ANK2: variants seen among roughly 807,000 people sequenced by gnomAD.
ANK2 encodes the protein ankyrin 2.
A neutral mutation model predicts 360.5 loss-of-function variants in ANK2; 83 were observed. The ratio of observed to expected loss-of-function variants is 0.23; its 90% confidence interval spans 0.19 to 0.28. The LOEUF (loss-of-function observed/expected upper bound fraction) is 0.28, where lower values mean the gene tolerates loss of function less well. ANK2 is among the 10% of genes least tolerant of loss of function. The pLI is 1.00. For synonymous variants in ANK2, 1,740 were observed against 1,759.5 expected, an observed-to-expected ratio of 0.99 and a Z score of 0.28; for missense variants, 4,201 against 4,795.7, an observed-to-expected ratio of 0.88 and a Z score of 3.66.
intron 2 of ANK2, among the ~76,000 whole-genome samples, chr4:113,009,429 A>T (rs867786752): frequency 6.6e-6 from 1 of 152,142 alleles, no homozygotes; most frequent in African/African-American, 2.4e-5. Flanking sequence ...TCCAATTGTT[A>T]ATCTGAAAAC....
At chr4:113,180,440 A>G (rs1442264952) in intron 2 of ANK2, among the ~76,000 whole-genome samples, 1 of 152,226 alleles carries the variant, frequency 6.6e-6, no homozygotes, top group Non-Finnish European at 1.5e-5. Context: ...TAATTTTTTT[A>G]TATTGATTCT....
chr4:113,096,196 G>A (rs17476377), intron 1 of ANK2, among the ~76,000 whole-genome samples: 48,370 of 151,970 alleles, frequency 0.32, 8,187 homozygotes, highest in Non-Finnish European at 0.39. Flanking sequence ...GTCTCCTTAT[G>A]AATTGCTCCA....
At chr4:112,719,155 A>G in the ANK2 span, among the ~76,000 whole-genome samples, 1 of 152,154 alleles carries the variant, frequency 6.6e-6, no homozygotes, top group African/African-American at 2.4e-5. Flanking sequence ...GACAATAATC[A>G]CTCTAATTTA....
In ANK2 at chr4:113,358,469, T is replaced by C. The variant is rs750131480; in HGVS notation, c.9851T>C (p.Val3284Ala). 5.0e-6 allele frequency: 8 copies of C among 1,614,126 alleles called. No homozygotes were observed. In the South Asian group the frequency reaches 7.7e-5, roughly 16 times the overall value. ...TCTTCCCCAGAAGAACAGAAATCAGTAATCGAGATTCCTACTGCACCCATG... is the reference window on the plus strand; with the variant it reads ...TCTTCCCCAGAAGAACAGAAATCAGCAATCGAGATTCCTACTGCACCCATG... ...PDSSPEEQKS[V>A]IEIPTAPMEN... The change falls in exon 38 of 46, where the codon GTA (valine) becomes GCA (alanine). Residue 3284 changes from valine to alanine, a missense_variant. Physicochemically the swap from Val to Ala is moderately conservative, Grantham distance 64. This residue lies in a region of ANK2 where 2,642 missense variants were observed against 2,714.5 expected (regional missense o/e 0.97). Coordinates refer to ENST00000357077, the MANE Select transcript of ANK2 (RefSeq NM_001148.6).
intron 1 of ANK2, among the ~76,000 whole-genome samples, chr4:113,152,514 TC>T (rs1162351235): frequency 3.3e-5 from 5 of 152,222 alleles, no homozygotes; most frequent in Non-Finnish European, 7.3e-5. Flanking sequence ...GCATATTATA[TC>T]ACATTTGATT....
At chr4:113,332,707 G>A (rs1414966543) in intron 28 of ANK2, among the ~76,000 whole-genome samples, 1 of 152,226 alleles carries the variant, frequency 6.6e-6, no homozygotes, top group Non-Finnish European at 1.5e-5. Flanking sequence ...GCACCTTGTC[G>A]AAAATGTTTT....
chr4:113,188,939 G>A (rs1360896203), intron 2 of ANK2, among the ~76,000 whole-genome samples: 1 of 152,094 alleles, frequency 6.6e-6, no homozygotes, highest in African/African-American at 2.4e-5. Flanking sequence ...CCTTCATACT[G>A]TACACATTAT....
the ANK2 span, among the ~76,000 whole-genome samples, chr4:112,779,802 ATGATAGAGCC>A: frequency 1.3e-5 from 2 of 152,316 alleles, no homozygotes; most frequent in South Asian, 4.1e-4. Context: ...TGAAACCTTT[ATGATAGAGCC>A]TGACATTCTG....
chr4:113,052,961 G>C (rs984656459), intron 1 of ANK2, among the ~76,000 whole-genome samples: 6 of 152,310 alleles, frequency 3.9e-5, no homozygotes, highest in African/African-American at 1.4e-4. Flanking sequence ...AGGCTAGAGC[G>C]TTACTAAAGC....
rs765391932 is a variant in ANK2 at position 113,323,841 on chromosome 4, TC to T, written c.2900+5226del. On this transcript the variant is annotated intron_variant, in intron 26 of 45. Transcript: ENST00000357077. ...TCTCTGAACATGTTGCCTATTCCTC[TC>T]CCCCTTTCGCCATCTCCTTCTGCAT... 1.9e-6 allele frequency: 3 copies of T among 1,570,552 alleles called. No homozygotes were observed. In the Admixed American group the frequency reaches 5.1e-5, roughly 27 times the overall value.
chr4:112,942,081 A>G lies in ANK2; in HGVS notation c.21+37567A>G, dbSNP rs17045153. ...TTCCTTATTTTCCTAATTTTCTATA[A>G]TCAACATTACTTTTGTAACTGAGTT... On this transcript the variant is annotated intron_variant, in intron 2 of 30. Coordinates refer to the ANK2 transcript ENST00000503271. Among the ~76,000 whole-genome samples the G allele has an allele frequency of 7.0e-3, 1,064 of 152,094 alleles. 10 individuals are homozygous for G. The highest frequency in any genetic ancestry group is 0.015 in the African/African-American group (642 of 41,532).
chr4:113,144,345 T>G lies in ANK2; in HGVS notation c.85-30071T>G, dbSNP rs3112979. On this transcript the variant is annotated intron_variant, in intron 1 of 45. Transcript: ENST00000357077. ...AGCAACAATACAAAAATGTCCCTCT[T>G]GGATTTGAGTGTTTAGGGATTTGTG... 1.7e-4 allele frequency among the ~76,000 whole-genome samples: 26 copies of G among 152,050 alleles called. No individual in the cohort carries two copies. The East Asian group carries it at 5.0e-3, about 29-fold the overall frequency.
chr4:112,972,903 G>C (rs975800920), intron 2 of ANK2, among the ~76,000 whole-genome samples: 2 of 152,132 alleles, frequency 1.3e-5, no homozygotes, highest in Non-Finnish European at 2.9e-5. Flanking sequence ...ATTATTCTAA[G>C]TGAAGCCATT....
chr4:113,228,613 A>G (rs2153520696), intron 4 of ANK2, among the ~76,000 whole-genome samples: 1 of 152,106 alleles, frequency 6.6e-6, no homozygotes, highest in East Asian at 1.9e-4. Flanking sequence ...GTGGTTCCAT[A>G]TTTTTGCAAC....
At chr4:113,301,378 TACACACACACACAC>T (rs59844602) in intron 22 of ANK2, among the ~76,000 whole-genome samples, 7 of 149,496 alleles carry the variant, frequency 4.7e-5, no homozygotes, top group Non-Finnish European at 6.0e-5. Context: ...GATGTTTTGA[TACACACACACACAC>T]ACACACACAC....
intron 9 of ANK2, among the ~76,000 whole-genome samples, chr4:113,247,620 TC>T (rs767341988): frequency 2.0e-5 from 3 of 152,184 alleles, no homozygotes; most frequent in Non-Finnish European, 2.9e-5. Flanking sequence ...TGCCATTCCC[TC>T]CTTCATCTTT....
upstream of ANK2, among the ~76,000 whole-genome samples, chr4:113,046,643 T>G (rs2064521299): frequency 1.3e-5 from 2 of 152,148 alleles, no homozygotes; most frequent in African/African-American, 4.8e-5. Context: ...GCTGGTGCCT[T>G]GATCTTGGAA....
intron 3 of ANK2, among the ~76,000 whole-genome samples, chr4:113,198,232 A>C (rs1343448035): frequency 6.6e-6 from 1 of 152,166 alleles, no homozygotes; most frequent in African/African-American, 2.4e-5. Context: ...AACAGAAAAA[A>C]ACTGAAGCCC....
intron 2 of ANK2, among the ~76,000 whole-genome samples, chr4:112,962,511 G>T (rs2035352317): frequency 6.6e-6 from 1 of 152,174 alleles, no homozygotes; most frequent in Admixed American, 6.5e-5. Context: ...ACATAAAAGT[G>T]CATGTATCTT....
Sources: gnomAD v4.1 joint callset for allele counts (sites outside exome capture counted in the v4.1 genomes callset) on GRCh38, gnomAD v4.1.1 for gene constraint, gnomAD v4.1.1 regional missense constraint, MANE v1.5 for transcripts, NCBI Gene and HGNC (gene_info 2026-07-23, HGNC 2026-07-21) for gene names.